Variants in SAMMSON observed in about 807,000 individuals in gnomAD.
SAMMSON encodes the protein survival associated mitochondrial melanoma specific oncogenic non-coding RNA.
chr3:70,287,779 A>T (rs887370619), intron 6 of SAMMSON, among the ~76,000 whole-genome samples: 1 of 151,214 alleles, frequency 6.6e-6, no homozygotes, highest in East Asian at 2.0e-4. Context: ...TTCCTGGTTT[A>T]GTCTTGGGAG....
intron 4 of SAMMSON, among the ~76,000 whole-genome samples, chr3:70,102,628 G>A (rs1340722287): frequency 2.6e-5 from 4 of 152,128 alleles, no homozygotes; most frequent in Non-Finnish European, 5.9e-5. Context: ...ACTGGGTAAA[G>A]GAGGGAGAAT....
chr3:70,176,238 G>T (rs1459162392), intron 4 of SAMMSON, among the ~76,000 whole-genome samples: 2 of 152,122 alleles, frequency 1.3e-5, no homozygotes, highest in African/African-American at 4.8e-5. Context: ...TTTATTTGTA[G>T]TTCACAGGGT....
intron 9 of SAMMSON, among the ~76,000 whole-genome samples, chr3:70,365,287 T>C (rs986864935): frequency 7.9e-5 from 12 of 151,326 alleles, no homozygotes; most frequent in Non-Finnish European, 1.2e-4. Context: ...TACTAGTATT[T>C]CTCATTGCCA....
intron 3 of SAMMSON, among the ~76,000 whole-genome samples, chr3:70,044,453 T>C (rs769301900): frequency 6.6e-6 from 1 of 152,064 alleles, no homozygotes; most frequent in African/African-American, 2.4e-5. Flanking sequence ...ACCTAGGTAA[T>C]GTTAGCTGCT....
intron 7 of SAMMSON, among the ~76,000 whole-genome samples, chr3:70,330,807 G>A (rs1010486294): frequency 1.3e-5 from 2 of 151,890 alleles, no homozygotes; most frequent in Admixed American, 1.3e-4. Context: ...AAATGAATCC[G>A]AACAAATCAT....
chr3:70,057,715 A>C (rs1383946340), intron 3 of SAMMSON, among the ~76,000 whole-genome samples: 1 of 151,866 alleles, frequency 6.6e-6, no homozygotes, highest in Non-Finnish European at 1.5e-5. Context: ...TATAAATTGG[A>C]GAATTTGTCT....
intron 4 of SAMMSON, chr3:70,120,826 A>T (rs1268194323): frequency 6.6e-6 from 1 of 152,278 alleles, no homozygotes; most frequent in East Asian, 1.9e-4. Context: ...GGCACCAGGG[A>T]CTAGTTTTAT....
At chr3:70,426,426 A>ATC (rs1225677618) in intron 2 of SAMMSON, among the ~76,000 whole-genome samples, 1 of 152,230 alleles carries the variant, frequency 6.6e-6, no homozygotes, top group African/African-American at 2.4e-5. Flanking sequence ...ACCTATCCTG[A>ATC]TCAAGAGTTT....
intron 7 of SAMMSON, among the ~76,000 whole-genome samples, chr3:70,311,311 C>T (rs1205147801): frequency 6.6e-6 from 1 of 152,080 alleles, no homozygotes; most frequent in Non-Finnish European, 1.5e-5. Context: ...AGTAAATAAT[C>T]ACAGGTTTAG....
chr3:70,099,362 A>T (rs2068193860), intron 4 of SAMMSON, among the ~76,000 whole-genome samples: 1 of 152,094 alleles, frequency 6.6e-6, no homozygotes, highest in South Asian at 2.1e-4. Flanking sequence ...CTTGTTCCAC[A>T]TTTTGATTGC....
intron 9 of SAMMSON, among the ~76,000 whole-genome samples, chr3:70,364,257 G>T (rs1013977159): frequency 1.3e-5 from 2 of 151,734 alleles, no homozygotes; most frequent in South Asian, 2.1e-4. Flanking sequence ...ATCAATAAAG[G>T]TTCATGGGAA....
chr3:70,410,590 C>T (rs543576006), intron 2 of SAMMSON, among the ~76,000 whole-genome samples: 11 of 152,222 alleles, frequency 7.2e-5, no homozygotes, highest in East Asian at 3.9e-4. Context: ...TATTTCTTTA[C>T]TGCAAGATTT....
chr3:70,149,663 G>T (rs2067563487), intron 4 of SAMMSON, among the ~76,000 whole-genome samples: 2 of 152,050 alleles, frequency 1.3e-5, no homozygotes, highest in Non-Finnish European at 2.9e-5. Flanking sequence ...TTTCAAGCGG[G>T]GCTCTGGACA....
chr3:70,214,453 T>A (rs1317802531), intron 4 of SAMMSON, among the ~76,000 whole-genome samples: 1 of 152,052 alleles, frequency 6.6e-6, no homozygotes, highest in Non-Finnish European at 1.5e-5. Context: ...AAGGCTAAAG[T>A]ATATTATTCC....
chr3:70,179,363 C>A (rs916563532), intron 4 of SAMMSON, among the ~76,000 whole-genome samples: 2 of 152,164 alleles, frequency 1.3e-5, no homozygotes, highest in Non-Finnish European at 2.9e-5. Context: ...TTGTTGAATG[C>A]GTGTTAGGTG....
At chr3:70,234,742 T>C (rs1701591746) in intron 4 of SAMMSON, among the ~76,000 whole-genome samples, 1 of 152,194 alleles carries the variant, frequency 6.6e-6, no homozygotes, top group Non-Finnish European at 1.5e-5. Context: ...TGTGATCTAC[T>C]CACAGACCAA....
At chr3:70,084,166 G>T (rs78781101) in intron 4 of SAMMSON, among the ~76,000 whole-genome samples, 1 of 151,980 alleles carries the variant, frequency 6.6e-6, no homozygotes, top group East Asian at 1.9e-4. Flanking sequence ...TTTGTGTGTC[G>T]TTCTTCAGCA....
In SAMMSON at chr3:70,078,659, T is replaced by C. The variant is rs563404509; in HGVS notation, n.507+7094T>C. Reference sequence around the variant, plus strand: ...ATCCCTTTCTGCCCAAGTCCTTTACTTTTAAGCAACTGAACCCTGATCAAT... The same window carrying C: ...ATCCCTTTCTGCCCAAGTCCTTTACCTTTAAGCAACTGAACCCTGATCAAT... On this transcript the variant is annotated intron_variant and non_coding_transcript_variant, in intron 4 of 9. Coordinates refer to ENST00000642114, the Ensembl canonical transcript of SAMMSON. Among the ~76,000 whole-genome samples, 3 of 152,286 alleles carry C rather than the reference T, an allele frequency of 2.0e-5. No homozygotes were observed. In the East Asian group the frequency reaches 5.8e-4, roughly 29 times the overall value.
rs193092359 is a variant in SAMMSON at position 70,042,769 on chromosome 3, G to A, written n.418-28707G>A. 9.1e-4 allele frequency among the ~76,000 whole-genome samples: 139 copies of A among 152,098 alleles called. 1 individual carries two copies. The highest frequency in any genetic ancestry group is 2.8e-3 in the African/African-American group (117 of 41,518). ...AATAAATTATGCATGAAATTGTGCC[G>A]GAGTCTCTAGTGTGCAGAATTGCTC... On this transcript the variant is annotated intron_variant and non_coding_transcript_variant, in intron 3 of 9. Coordinates refer to ENST00000642114, the Ensembl canonical transcript of SAMMSON.
Sources: allele counts gnomAD v4.1 joint callset (sites outside exome capture counted in the v4.1 genomes callset), GRCh38; gene constraint gnomAD v4.1.1; transcripts MANE v1.5; gene names NCBI Gene and HGNC (gene_info 2026-07-23, HGNC 2026-07-21).